INPP4B: variants seen among roughly 807,000 people sequenced by gnomAD.
The protein encoded by INPP4B is inositol polyphosphate-4-phosphatase type II B.
A neutral mutation model predicts 122.5 loss-of-function variants in INPP4B; 55 were observed. That is an observed-to-expected ratio of 0.45 (90% CI 0.36 to 0.56). The LOEUF is 0.56. Among genes scored for constraint, INPP4B ranks in the 20% least tolerant of loss-of-function variants. The pLI, the probability that INPP4B is intolerant of heterozygous loss-of-function variation, is 0.00. For synonymous variants in INPP4B, 403 were observed against 388.7 expected, an observed-to-expected ratio of 1.04 and a Z score of -0.43; for missense variants, 1,000 against 1,097.7, an observed-to-expected ratio of 0.91 and a Z score of 1.26.
At chr4:142,136,369 G>A (rs547948442) in intron 18 of INPP4B, among the ~76,000 whole-genome samples, 2 of 152,342 alleles carry the variant, frequency 1.3e-5, no homozygotes, top group South Asian at 2.1e-4. Flanking sequence ...AAACACAAAT[G>A]CAAAGATAAA....
intron 1 of INPP4B, among the ~76,000 whole-genome samples, chr4:142,739,456 A>G (rs748938911): frequency 4.6e-5 from 7 of 152,076 alleles, no homozygotes; most frequent in Non-Finnish European, 1.0e-4. Flanking sequence ...AGTCAATTTT[A>G]ACTGTGTGAC....
intron 7 of INPP4B, among the ~76,000 whole-genome samples, chr4:142,402,550 T>C (rs1052274661): frequency 6.6e-6 from 1 of 152,212 alleles, no homozygotes; most frequent in African/African-American, 2.4e-5. Flanking sequence ...CGGTATGCAA[T>C]ACATTGTAAA....
intron 2 of INPP4B, among the ~76,000 whole-genome samples, chr4:142,499,710 G>A (rs544161727): frequency 6.6e-6 from 1 of 152,126 alleles, no homozygotes; most frequent in African/African-American, 2.4e-5. Context: ...ACCCACAGGA[G>A]TCATTATTGC....
intron 14 of INPP4B, among the ~76,000 whole-genome samples, chr4:142,198,222 CACACTATTTTCAAGGGTT>C (rs1199564820): frequency 6.6e-6 from 1 of 152,024 alleles, no homozygotes; most frequent in Non-Finnish European, 1.5e-5. Flanking sequence ...CCACTGAACA[CACACTATTTTCAAGGGTT>C]ACCCTAATTT....
intron 5 of INPP4B, among the ~76,000 whole-genome samples, chr4:142,426,293 TAAAGA>T (rs1562073068): frequency 1.3e-5 from 2 of 152,124 alleles, no homozygotes; most frequent in Admixed American, 1.3e-4. Context: ...ATTGTTTCCA[TAAAGA>T]AATGTTCTTA....
chr4:142,568,769 G>A (rs1013020162), intron 2 of INPP4B, among the ~76,000 whole-genome samples: 1 of 152,036 alleles, frequency 6.6e-6, no homozygotes, highest in Non-Finnish European at 1.5e-5. Flanking sequence ...ACAATTTAGC[G>A]CCACTCAGGA....
intron 7 of INPP4B, among the ~76,000 whole-genome samples, chr4:142,333,918 T>A (rs910856596): frequency 6.6e-6 from 1 of 152,212 alleles, no homozygotes; most frequent in East Asian, 1.9e-4. Flanking sequence ...CATTTAATTA[T>A]ACAATATAGT....
intron 9 of INPP4B, among the ~76,000 whole-genome samples, chr4:142,304,605 G>A (rs139765930): frequency 5.9e-5 from 9 of 152,144 alleles, no homozygotes; most frequent in African/African-American, 1.9e-4. Context: ...GGTCCTTGGC[G>A]GAAGGGGACA....
At chr4:142,817,791 G>A (rs999736338) in intron 1 of INPP4B, among the ~76,000 whole-genome samples, 1 of 151,966 alleles carries the variant, frequency 6.6e-6, no homozygotes, top group Non-Finnish European at 1.5e-5. Flanking sequence ...TTTATACTTC[G>A]GGTTTATTTG....
intron 8 of INPP4B, 100 bp downstream of exon 8, chr4:142,314,612 C>T (rs1230173828): frequency 2.7e-6 from 3 of 1,102,542 alleles, no homozygotes; most frequent in Non-Finnish European, 4.0e-6. Flanking sequence ...TAATGTAATT[C>T]AATTTTATTT....
At chr4:142,297,947 G>A (rs777752628) in intron 9 of INPP4B, among the ~76,000 whole-genome samples, 3 of 152,166 alleles carry the variant, frequency 2.0e-5, no homozygotes, top group Non-Finnish European at 4.4e-5. Flanking sequence ...TAATTGCCCA[G>A]AACCACCCTG....
chr4:142,389,770 A>G (rs1797105375), intron 7 of INPP4B, among the ~76,000 whole-genome samples: 1 of 152,208 alleles, frequency 6.6e-6, no homozygotes, highest in South Asian at 2.1e-4. Context: ...CCATGATAAC[A>G]TGTAATTGAG....
At chr4:142,576,210 C>A (rs1404292199) in intron 2 of INPP4B, among the ~76,000 whole-genome samples, 1 of 151,810 alleles carries the variant, frequency 6.6e-6, no homozygotes, top group Non-Finnish European at 1.5e-5. Context: ...GGAAACATCC[C>A]TGATCTAGTA....
At chr4:142,766,536 A>G (rs945546850) in intron 1 of INPP4B, among the ~76,000 whole-genome samples, 6 of 151,906 alleles carry the variant, frequency 3.9e-5, no homozygotes, top group Non-Finnish European at 2.9e-5. Context: ...GCACTCAGCT[A>G]ATTTTTGTAT....
chr4:142,290,776 G>T (rs918532793), intron 9 of INPP4B, among the ~76,000 whole-genome samples: 1 of 152,078 alleles, frequency 6.6e-6, no homozygotes, highest in Non-Finnish European at 1.5e-5. Context: ...CCATAGATGG[G>T]GGACGTGGTA....
At chr4:142,166,485 T>G in intron 16 of INPP4B, among the ~76,000 whole-genome samples, 1 of 151,470 alleles carries the variant, frequency 6.6e-6, no homozygotes, top group Non-Finnish European at 1.5e-5. Flanking sequence ...CATGGGCAAA[T>G]ATTTTATGAT....
At chr4:142,700,633 AATTTTTAACTC>A (rs1320046293) in intron 2 of INPP4B, among the ~76,000 whole-genome samples, 1 of 151,742 alleles carries the variant, frequency 6.6e-6, no homozygotes, top group African/African-American at 2.4e-5. Flanking sequence ...ACACTTGCCC[AATTTTTAACTC>A]ATTTTTGCCC....
At chr4:142,035,189 C>G (rs1050220244) in intron 25 of INPP4B, among the ~76,000 whole-genome samples, 18 of 152,228 alleles carry the variant, frequency 1.2e-4, no homozygotes, top group African/African-American at 4.3e-4. Flanking sequence ...ATCTGGAGGC[C>G]AAAAGTCTGC....
chr4:142,400,294 T>A (rs1051579022), intron 7 of INPP4B, among the ~76,000 whole-genome samples: 3 of 152,190 alleles, frequency 2.0e-5, no homozygotes, highest in African/African-American at 7.2e-5. Flanking sequence ...CCTGAATCAG[T>A]CTAGTATGAT....
Sources: allele counts gnomAD v4.1 joint callset (sites outside exome capture counted in the v4.1 genomes callset), GRCh38; gene constraint gnomAD v4.1.1; transcripts MANE v1.5; gene names NCBI Gene and HGNC (gene_info 2026-07-23, HGNC 2026-07-21).